Variants in XRCC1 observed in about 807,000 individuals in gnomAD.
XRCC1 encodes the protein DNA repair protein XRCC1.
Under a neutral mutation model 83.3 loss-of-function variants are expected in XRCC1, and 52 were observed. The observed-to-expected ratio is 0.62, with a 90% CI of 0.50 to 0.79. The LOEUF (loss-of-function observed/expected upper bound fraction) is 0.79. Among genes scored for constraint, XRCC1 ranks in the 30% least tolerant of loss-of-function variants. The probability of loss-of-function intolerance (pLI) is 0.00; values close to 1 mark genes in which losing one functional copy is unlikely to be tolerated. For missense variants in XRCC1, 793 were observed against 823.5 expected, an observed-to-expected ratio of 0.96 and a Z score of 0.45; for synonymous variants, 281 against 312.6, an observed-to-expected ratio of 0.90 and a Z score of 1.07.
Position 43,553,033 on chromosome 19 carries a change from A to C in XRCC1, c.660T>G (p.Ser220Arg). 6.3e-7 allele frequency: 1 copy of C among 1,599,946 alleles called. No individual in the cohort carries two copies. The highest frequency in any genetic ancestry group is 1.7e-4 in the Middle Eastern group (1 of 5,850). Residue 220 changes from serine to arginine, a missense_variant, in exon 7 of 17, where the codon AGT becomes AGG. By Grantham distance (110) the Ser-to-Arg change is moderately radical. Coordinates refer to ENST00000262887, the MANE Select transcript of XRCC1 (RefSeq NM_006297.3). ...AGACTGGAGAGGCTGAGGAGGCAGC[A>C]CTAGAAGCCTGGAGGGTAGCAGCTG... The part of the protein sequence containing the change: ...SYAAATLQAS[S>R]AASSASPVSR...
intron 3 of XRCC1, 41 bp from the exon 4 acceptor site, chr19:43,554,845 T>A: frequency 6.3e-7 from 1 of 1,588,494 alleles, no homozygotes; most frequent in Non-Finnish European, 8.6e-7. Flanking sequence ...CCAGGGCAGG[T>A]TGGCTTAGAT....
At chr19:43,548,046 G>T (rs1388253638) in intron 10 of XRCC1, among the ~76,000 whole-genome samples, 1 of 146,094 alleles carries the variant, frequency 6.8e-6, no homozygotes, top group Non-Finnish European at 1.5e-5. Flanking sequence ...GGAGGGAGGT[G>T]GGGGGCCAGC....
At chr19:43,557,117 G>A (rs1191345967) in intron 3 of XRCC1, among the ~76,000 whole-genome samples, 2 of 151,714 alleles carry the variant, frequency 1.3e-5, no homozygotes, top group Non-Finnish European at 2.9e-5. Flanking sequence ...GACCATCCTG[G>A]CCAACATAGT....
Position 43,543,469 on chromosome 19 carries a change from G to A in XRCC1, c.1825C>T (p.Pro609Ser). ...MDNPSLAFVR[P>S]RWIYSCNEKQ... ...TCATTGCAACTGTAGATCCATCGGG[G>A]ACGAACGAATGCCAGGGAGGGGTTG... Residue 609 changes from proline (P) to serine (S), a missense_variant, in exon 17 of 17, where the codon CCC becomes TCC. Coordinates refer to ENST00000262887, the MANE Select transcript of XRCC1 (RefSeq NM_006297.3). 1.2e-6 allele frequency: 2 copies of A among 1,613,736 alleles called. No homozygotes were observed. Among genetic ancestry groups the A allele is most frequent in the Non-Finnish European group, 1.7e-6 (2 of 1,179,976 alleles).
intron 2 of XRCC1, among the ~76,000 whole-genome samples, chr19:43,571,848 C>A (rs1972809093): frequency 6.6e-6 from 1 of 152,186 alleles, no homozygotes; most frequent in Non-Finnish European, 1.5e-5. Flanking sequence ...GCTTGGCCTA[C>A]AGAAGGCACT....
chr19:43,553,219 T>A, intron 6 of XRCC1, 128 bp from the exon 7 acceptor site: 1 of 1,199,486 alleles, frequency 8.3e-7, no homozygotes, highest in Non-Finnish European at 1.2e-6. Context: ...CCTCCAGACC[T>A]CTCAACCCTC....
chr19:43,544,987 C>T (rs1972494405), intron 14 of XRCC1, among the ~76,000 whole-genome samples: 4 of 152,158 alleles, frequency 2.6e-5, no homozygotes, highest in African/African-American at 7.2e-5. Flanking sequence ...AGGCTGAAAA[C>T]GTCAGTATCT....
chr19:43,564,561 G>T (rs1475955057), intron 2 of XRCC1, among the ~76,000 whole-genome samples: 4 of 152,186 alleles, frequency 2.6e-5, no homozygotes, highest in Non-Finnish European at 4.4e-5. Context: ...GACTGAGGCA[G>T]GCGGATCACC....
At chr19:43,554,979 C>T (rs2146054462) in intron 3 of XRCC1, 175 bp from the exon 4 acceptor site, 1 of 601,834 alleles carries the variant, frequency 1.7e-6, no homozygotes, top group East Asian at 3.0e-5. Context: ...TCAGTCCTGC[C>T]CTGACACAGG....
intron 9 of XRCC1, 57 bp from the exon 10 acceptor site, chr19:43,551,744 A>AG: frequency 7.4e-7 from 1 of 1,348,848 alleles, no homozygotes; most frequent in Non-Finnish European, 1.1e-6. Context: ...GGCAAAGGGG[A>AG]ACGAGACAGG....
At chr19:43,548,468 C>CT (rs1464007027) in intron 10 of XRCC1, among the ~76,000 whole-genome samples, 1 of 152,198 alleles carries the variant, frequency 6.6e-6, no homozygotes, top group Non-Finnish European at 1.5e-5. Flanking sequence ...AATCTATGAC[C>CT]TTACCCTCAA....
intron 10 of XRCC1, among the ~76,000 whole-genome samples, chr19:43,547,285 G>A (rs1271656792): frequency 6.6e-6 from 1 of 151,358 alleles, no homozygotes; most frequent in South Asian, 2.1e-4. Flanking sequence ...CTCCAGGTTC[G>A]AGCGACTCCC....
In XRCC1 at chr19:43,553,774, G is replaced by T. The variant is rs1043730611; in HGVS notation, c.415-91C>A. On this transcript the variant is annotated intron_variant, in intron 4 of 16. Transcript: ENST00000262887. ...TTTCACTCAGGGAAACCTCTTCCTG[G>T]CTCCTTCCCTCTCATGAACACCCAT... 4.6e-6 allele frequency: 5 copies of T among 1,092,764 alleles called. No homozygotes were observed. In the African/African-American group the frequency reaches 6.3e-5, roughly 14 times the overall value. The allele number at this position is 1,092,764 out of a possible 1,614,324, so 67.7% of individuals were successfully genotyped here.
rs1972556859 is a variant in XRCC1, at chr19:43,549,723, A to G, written c.1199+1848T>C. 2.0e-5 allele frequency among the ~76,000 whole-genome samples: 3 copies of G among 151,008 alleles called. No individual in the cohort carries two copies. In the South Asian group the frequency reaches 6.3e-4, roughly 32 times the overall value. ...AGGTATGTGCCACCACACCTGGATA[A>G]TTTTTTTCATGTTTTGTAGGGATGG... is the stretch of plus-strand genomic sequence containing the variant. On this transcript the variant is annotated intron_variant, in intron 10 of 16. Coordinates refer to ENST00000262887, the MANE Select transcript of XRCC1 (RefSeq NM_006297.3).
chr19:43,545,908 C>A lies in XRCC1; in HGVS notation c.1531G>T (p.Gly511Trp). Residue 511 changes from glycine to tryptophan, a missense_variant, in exon 14 of 17, where the codon GGG becomes TGG. Physicochemically the swap from Gly to Trp is radical, Grantham distance 184. Transcript: ENST00000262887. ...HRLPPGQEEN[G>W]EDPYAGSTDE... Reference sequence around the variant, plus strand: ...GTGGAGCCTGCATACGGGTCTTCCCCATTCTCCTCCTGGCCAGGGGGCAGT... The same window carrying A: ...GTGGAGCCTGCATACGGGTCTTCCCAATTCTCCTCCTGGCCAGGGGGCAGT... 1 of 1,613,956 alleles carries A rather than the reference C, an allele frequency of 6.2e-7. No homozygotes were observed. Among genetic ancestry groups the A allele is most frequent in the Non-Finnish European group, 8.5e-7 (1 of 1,179,936 alleles).
chr19:43,547,003 A>C (rs370272254), intron 10 of XRCC1, 26 bp from the exon 11 acceptor site: 2 of 1,609,528 alleles, frequency 1.2e-6, no homozygotes, highest in African/African-American at 1.3e-5. Context: ...GGCCTCAGAC[A>C]AACAGGCCCA....
At position 43,575,450 on chromosome 19, in the gene XRCC1, C is replaced by A; in HGVS notation, c.9G>T (p.Glu3Asp). The A allele has an allele frequency of 6.2e-7, 1 of 1,612,370 alleles. No individual in the cohort carries two copies. The highest frequency in any genetic ancestry group is 8.5e-7 in the Non-Finnish European group (1 of 1,178,760). MP[E>D]IRLRHVVSCS... ...AGGACACGACATGGCGGAGGCGGAT[C>A]TCCGGCATGTCAACGTCGTGGGCTT... Residue 3 changes from glutamate (E) to aspartate (D), a missense_variant, in exon 1 of 17, where the codon GAG becomes GAT. By Grantham distance (45) the Glu-to-Asp change is conservative. Coordinates refer to ENST00000262887, the MANE Select transcript of XRCC1 (RefSeq NM_006297.3).
Position 43,568,225 on chromosome 19 carries a change from C to T in XRCC1, c.144+6685G>A, listed in dbSNP as rs867543509. Among the ~76,000 whole-genome samples, 25 of 151,034 alleles carry T rather than the reference C, an allele frequency of 1.7e-4. No homozygotes were observed. The Middle Eastern group carries it at 0.024, about 144-fold the overall frequency. On this transcript the variant is annotated intron_variant, in intron 2 of 16. Transcript: ENST00000262887. ...AAAGAATAAGGTAGGCTGCGCACGG[C>T]GTGGCTGACGCCTGTAATCCCAACA...
Position 43,551,698 on chromosome 19 carries a change from G to T in XRCC1, c.1083-11C>A, listed in dbSNP as rs745743538. ...TTGGCAAAGGCACAGCTGGTGGGGG[G>T]CAGAAGTGAAGATGCCAGTTAGGTG... On this transcript the variant is annotated splice_polypyrimidine_tract_variant and intron_variant, in intron 9 of 16. Coordinates refer to ENST00000262887, the MANE Select transcript of XRCC1 (RefSeq NM_006297.3). The T allele has an allele frequency of 3.7e-6, 6 of 1,609,686 alleles. No individual in the cohort carries two copies. In the East Asian group the frequency reaches 1.3e-4, roughly 36 times the overall value.
Sources: gnomAD v4.1 joint callset for allele counts (sites outside exome capture counted in the v4.1 genomes callset) on GRCh38, gnomAD v4.1.1 for gene constraint, MANE v1.5 for transcripts, NCBI Gene and HGNC (gene_info 2026-07-23, HGNC 2026-07-21) for gene names.